Variants in TMEM132B observed in about 807,000 individuals in gnomAD.
TMEM132B encodes transmembrane protein 132B.
TMEM132B carries 18 observed loss-of-function variants against 90.8 expected under a neutral mutation model. The ratio of observed to expected loss-of-function variants is 0.20; its 90% CI spans 0.14 to 0.29. TMEM132B has a LOEUF of 0.29. Among genes scored for constraint, TMEM132B ranks in the 10% least tolerant of loss-of-function variants. The pLI, the probability that TMEM132B is intolerant of heterozygous loss-of-function variation, is 1.00. For synonymous variants in TMEM132B, 504 were observed against 523.3 expected (o/e 0.96, Z 0.50); for missense variants, 1,096 against 1,326.8 (o/e 0.83, Z 2.70).
At chr12:125,188,866 A>AG (rs1957777959) in intron 1 of TMEM132B, among the ~76,000 whole-genome samples, 1 of 150,012 alleles carries the variant, frequency 6.7e-6, no homozygotes. Context: ...AAAAAAAAAA[A>AG]AAAAAAAGAA....
chr12:125,619,800 G>A (rs1490490926), intron 5 of TMEM132B, among the ~76,000 whole-genome samples: 1 of 152,200 alleles, frequency 6.6e-6, no homozygotes, highest in Non-Finnish European at 1.5e-5. Context: ...AATATTGTAA[G>A]CATTGCGTCT....
At chr12:125,416,919 C>G (rs1014089709) in intron 3 of TMEM132B, among the ~76,000 whole-genome samples, 3 of 152,100 alleles carry the variant, frequency 2.0e-5, no homozygotes, top group South Asian at 2.1e-4. Flanking sequence ...TTCTAGGGAG[C>G]CTTGGATTTT....
intron 4 of TMEM132B, among the ~76,000 whole-genome samples, chr12:125,578,011 T>G (rs186670336): frequency 6.6e-6 from 1 of 152,284 alleles, no homozygotes; most frequent in East Asian, 1.9e-4. Flanking sequence ...ACTTGTTTAA[T>G]GGCCTGACCT....
chr12:125,250,874 C>T (rs1593056054), intron 1 of TMEM132B, among the ~76,000 whole-genome samples: 1 of 152,242 alleles, frequency 6.6e-6, no homozygotes, highest in South Asian at 2.1e-4. Context: ...CCATCTTTAC[C>T]TCCTGGAAAT....
intron 2 of TMEM132B, among the ~76,000 whole-genome samples, chr12:125,373,406 A>G (rs1878363069): frequency 6.6e-6 from 1 of 152,204 alleles, no homozygotes; most frequent in Non-Finnish European, 1.5e-5. Flanking sequence ...GTGGGCTTTA[A>G]TCCGATACCT....
Position 125,287,658 on chromosome 12 carries a change from A to G in TMEM132B, c.68-61794A>G, listed in dbSNP as rs1013268762. The stretch of plus-strand genomic sequence containing the variant: ...AACCACAGAATGATGCAAAACAAAA[A>G]TGAAACCTCCCTGCATAGTCTCTCT... On this transcript the variant is annotated intron_variant, in intron 1 of 8. Transcript: ENST00000682704. 6.2e-4 allele frequency among the ~76,000 whole-genome samples: 95 copies of G among 152,188 alleles called. 1 individual carries two copies. The highest frequency in any genetic ancestry group is 9.8e-4 in the Non-Finnish European group (67 of 68,034).
chr12:125,348,691 A>G (rs376633542), intron 1 of TMEM132B, among the ~76,000 whole-genome samples: 1 of 152,118 alleles, frequency 6.6e-6, no homozygotes, highest in Non-Finnish European at 1.5e-5. Flanking sequence ...GGTAGAATTC[A>G]TGTTTGTCCT....
At chr12:125,499,707 T>C (rs367896084) in intron 3 of TMEM132B, among the ~76,000 whole-genome samples, 32 of 152,306 alleles carry the variant, frequency 2.1e-4, no homozygotes, top group Middle Eastern at 3.4e-3. Context: ...CTTCTGAGAA[T>C]TTCTGGTCTA....
At chr12:125,584,357 A>C (rs1036787969) in intron 5 of TMEM132B, 18 of 229,808 alleles carry the variant, frequency 7.8e-5, no homozygotes, top group Non-Finnish European at 1.3e-4. Context: ...TTGCAAACTC[A>C]CTGTGCCTAA....
chr12:125,582,613 G>A (rs1443886587), intron 4 of TMEM132B, among the ~76,000 whole-genome samples: 2 of 152,188 alleles, frequency 1.3e-5, no homozygotes, highest in African/African-American at 4.8e-5. Context: ...CAAGTGCGAA[G>A]TGGCATCTCT....
At chr12:125,638,859 A>G (rs2137014912) in intron 5 of TMEM132B, among the ~76,000 whole-genome samples, 1 of 152,368 alleles carries the variant, frequency 6.6e-6, no homozygotes, top group South Asian at 2.1e-4. Flanking sequence ...CTTTTATTAT[A>G]AAGCAATGTA....
chr12:125,380,066 C>T (rs1878629376), intron 2 of TMEM132B, among the ~76,000 whole-genome samples: 1 of 152,200 alleles, frequency 6.6e-6, no homozygotes, highest in Non-Finnish European at 1.5e-5. Flanking sequence ...GCTTTCATAA[C>T]AAATTGCCAC....
chr12:125,446,163 A>C (rs978159709), intron 3 of TMEM132B, among the ~76,000 whole-genome samples: 3 of 151,984 alleles, frequency 2.0e-5, no homozygotes, highest in Admixed American at 6.6e-5. Flanking sequence ...ATTTGTTTTA[A>C]ATTTTTTTTT....
At chr12:125,375,098 A>G (rs938839491) in intron 2 of TMEM132B, among the ~76,000 whole-genome samples, 2 of 152,236 alleles carry the variant, frequency 1.3e-5, no homozygotes, top group Non-Finnish European at 1.5e-5. Context: ...CAGAAATTGT[A>G]CTGCAACTGG....
At chr12:125,342,632 C>G (rs325092) in intron 1 of TMEM132B, among the ~76,000 whole-genome samples, 112,768 of 152,074 alleles carry the variant, frequency 0.74, 42,293 homozygotes, top group East Asian at 0.9. Context: ...TCCACTTCCT[C>G]TCTCTCCCTG....
chr12:125,473,806 C>T (rs1881784810), intron 3 of TMEM132B, among the ~76,000 whole-genome samples: 1 of 152,136 alleles, frequency 6.6e-6, no homozygotes, highest in South Asian at 2.1e-4. Context: ...GGGGTTTATC[C>T]AAAAACTTCC....
rs537264546 is a variant in TMEM132B at position 125,588,998 on chromosome 12, A to G, written c.1437+5004A>G. ...CTTGACCTGTAATATATTAATACAT[A>G]TTACATCCATACCTATTCACCTGCA... On this transcript the variant is annotated intron_variant, in intron 5 of 8. Transcript: ENST00000682704. Among the ~76,000 whole-genome samples the G allele has an allele frequency of 2.0e-5, 3 of 152,326 alleles. No homozygotes were observed. The South Asian group carries it at 6.2e-4, about 32-fold the overall frequency.
intron 1 of TMEM132B, among the ~76,000 whole-genome samples, chr12:125,279,878 A>G (rs1396289890): frequency 6.6e-6 from 1 of 152,230 alleles, no homozygotes; most frequent in African/African-American, 2.4e-5. Flanking sequence ...ATAATGATAC[A>G]TGTATCAGTG....
rs574292520 is a variant in TMEM132B at position 125,415,175 on chromosome 12, A to T, written c.960-356A>T. On this transcript the variant is annotated intron_variant, in intron 2 of 8. Coordinates refer to ENST00000682704, the MANE Select transcript of TMEM132B (RefSeq NM_001366854.1). The surrounding 1 kb of genome is among the most constrained non-coding windows in gnomAD (Gnocchi z 5.3). ...ATCTTAAAGACTCTTCTCCATCTCC[A>T]GGTGAAGAATAGGCCTTGCAGATCC... Among the ~76,000 whole-genome samples, 1 of 152,246 alleles carries T rather than the reference A, an allele frequency of 6.6e-6. No homozygotes were observed. Among genetic ancestry groups the T allele is most frequent in the African/African-American group, 2.4e-5 (1 of 41,546 alleles).
Sources: allele counts gnomAD v4.1 joint callset (sites outside exome capture counted in the v4.1 genomes callset), GRCh38; gene constraint gnomAD v4.1.1; non-coding constraint Gnocchi (gnomAD v3.1); transcripts MANE v1.5; gene names NCBI Gene and HGNC (gene_info 2026-07-23, HGNC 2026-07-21).